Variants in BCAS3 observed in about 807,000 individuals in gnomAD.
The protein encoded by BCAS3 is BCAS3 microtubule associated cell migration factor, also known as BCAS4/BCAS3 fusion.
Under a neutral mutation model 116.1 loss-of-function variants are expected in BCAS3, and 53 were observed. The ratio of observed to expected loss-of-function variants is 0.46; its 90% CI spans 0.37 to 0.57. BCAS3 has a LOEUF of 0.57. Among genes scored for constraint, BCAS3 ranks in the 20% least tolerant of loss-of-function variants. BCAS3 has a pLI of 0.00. For synonymous variants in BCAS3, 391 were observed against 408.2 expected (o/e 0.96, Z 0.51); for missense variants, 917 against 1,165.4 (o/e 0.79, Z 3.10).
At position 61,346,124 on chromosome 17, in the gene BCAS3, T is replaced by C. The variant is rs1025915271; in HGVS notation, c.2426-22203T>C. On this transcript the variant is annotated intron_variant, in intron 22 of 23. Coordinates refer to ENST00000407086, the MANE Select transcript of BCAS3 (RefSeq NM_017679.5). The surrounding 1 kb of genome is among the most constrained non-coding windows in gnomAD (Gnocchi z 5.4). ...ACAGCGGGGTAGGTGCCATAATCCT[T>C]GTTGAAGTCGAGGAGTTGACTTAGA... Among the ~76,000 whole-genome samples the C allele has an allele frequency of 1.3e-5, 2 of 152,128 alleles. No individual in the cohort carries two copies. The highest frequency in any genetic ancestry group is 2.4e-5 in the African/African-American group (1 of 41,420).
At chr17:61,331,689 T>C (rs1222233923) in intron 22 of BCAS3, among the ~76,000 whole-genome samples, 2 of 152,242 alleles carry the variant, frequency 1.3e-5, no homozygotes, top group Non-Finnish European at 2.9e-5. Context: ...AAGGTTCAAA[T>C]AATATAATCC....
chr17:61,146,975 C>T (rs2077253902), intron 22 of BCAS3, among the ~76,000 whole-genome samples: 2 of 151,266 alleles, frequency 1.3e-5, no homozygotes, highest in African/African-American at 2.4e-5. Context: ...AGTGCAGTGG[C>T]GTGATCATGG....
intron 22 of BCAS3, among the ~76,000 whole-genome samples, chr17:61,290,971 G>A (rs768494419): frequency 1.5e-4 from 23 of 151,936 alleles, no homozygotes; most frequent in Non-Finnish European, 4.4e-5. Flanking sequence ...TAGTAGAGAC[G>A]GGGTTTCACC....
rs747440089 is a variant in BCAS3, at chr17:61,145,809, G to T, written c.2425+61245G>T. Among the ~76,000 whole-genome samples the T allele has an allele frequency of 8.6e-5, 13 of 152,022 alleles. No homozygotes were observed. The highest frequency in any genetic ancestry group is 1.4e-4 in the African/African-American group (6 of 41,382). On this transcript the variant is annotated intron_variant, in intron 22 of 23. Transcript: ENST00000407086. This position sits in a 1 kb window ranked among gnomAD's most constrained non-coding sequence, Gnocchi z 5.0. ...ATATGAAAGTCCTCTTAACAAGCGT[G>T]GACAGAGGAAGTTTTAGGTTTGATT... is the stretch of plus-strand genomic sequence containing the variant.
rs2050949557 is a variant in BCAS3 at position 61,278,328 on chromosome 17, A to C, written c.2426-89999A>C. On this transcript the variant is annotated intron_variant, in intron 22 of 23. Coordinates refer to ENST00000407086, the MANE Select transcript of BCAS3 (RefSeq NM_017679.5). The surrounding 1 kb of genome is among the most constrained non-coding windows in gnomAD (Gnocchi z 5.8). Reference sequence around the variant, plus strand: ...AGTGCTGGGATTACAGGCATGAGCCACCGTTCCCAGATAATTTTTGTGTTT... The same window carrying C: ...AGTGCTGGGATTACAGGCATGAGCCCCCGTTCCCAGATAATTTTTGTGTTT... Among the ~76,000 whole-genome samples, 1 of 152,198 alleles carries C rather than the reference A, an allele frequency of 6.6e-6. No homozygotes were observed. Among genetic ancestry groups the C allele is most frequent in the Admixed American group, 6.5e-5 (1 of 15,280 alleles).
intron 23 of BCAS3, among the ~76,000 whole-genome samples, chr17:61,373,522 T>TG (rs1464351117): frequency 1.1e-4 from 17 of 151,356 alleles, no homozygotes; most frequent in Admixed American, 1.1e-3. Context: ...CTCCACCTCA[T>TG]GGGTTCAAGC....
intron 19 of BCAS3, among the ~76,000 whole-genome samples, chr17:61,054,613 A>G (rs1024455703): frequency 5.9e-5 from 9 of 152,168 alleles, no homozygotes; most frequent in African/African-American, 1.9e-4. Context: ...GCCAGGGTCA[A>G]TCCACCCACC....
rs994638513 is a variant in BCAS3, at chr17:61,049,624, T to C, written c.2029+8732T>C. Among the ~76,000 whole-genome samples the C allele has an allele frequency of 4.6e-5, 7 of 150,618 alleles. 1 individual carries two copies. The highest frequency in any genetic ancestry group is 2.1e-4 in the South Asian group (1 of 4,780). ...TGTATTATAATCAATTTGCTCAAAA[T>C]CATTGACAAAGAGAAAAAAAAATCT... On this transcript the variant is annotated intron_variant, in intron 19 of 23. Transcript: ENST00000407086.
chr17:61,272,629 C>T (rs1460644823), intron 22 of BCAS3, among the ~76,000 whole-genome samples: 1 of 85,430 alleles, frequency 1.2e-5, no homozygotes, highest in Admixed American at 1.8e-4. Flanking sequence ...AGAGTGAAAC[C>T]CTGTCTCAAA....
intron 22 of BCAS3, among the ~76,000 whole-genome samples, chr17:61,294,431 T>C (rs2052708976): frequency 6.6e-6 from 1 of 152,204 alleles, no homozygotes. Flanking sequence ...AGCAGAGTTA[T>C]GCTAGCCACA....
At chr17:61,369,148 G>A (rs1338100656) in intron 23 of BCAS3, among the ~76,000 whole-genome samples, 1 of 152,202 alleles carries the variant, frequency 6.6e-6, no homozygotes, top group Non-Finnish European at 1.5e-5. Flanking sequence ...TCCATCTCCA[G>A]TACAGCTGTA....
rs1405083724 is a variant in BCAS3 at position 60,964,935 on chromosome 17, T to C, written c.1221+17583T>C. On this transcript the variant is annotated intron_variant, in intron 14 of 23. Transcript: ENST00000407086. This position sits in a 1 kb window ranked among gnomAD's most constrained non-coding sequence, Gnocchi z 4.6. ...TATTTATTTAGGTCTTCTCTCTTTT[T>C]TCTTAGTCTAGCTCAAGACTTGTTG... Among the ~76,000 whole-genome samples the C allele has an allele frequency of 6.6e-6, 1 of 152,142 alleles. No homozygotes were observed. The highest frequency in any genetic ancestry group is 1.5e-5 in the Non-Finnish European group (1 of 68,026).
rs564305566 is a variant in BCAS3 at position 60,914,567 on chromosome 17, T to A, written c.993+3865T>A. On this transcript the variant is annotated intron_variant, in intron 12 of 23. Transcript: ENST00000407086. ...AGAAATAAATATTTCACAGAGAAAATAAAATATGGTTGACCATTGAACAAC... is the reference window on the plus strand; with the variant it reads ...AGAAATAAATATTTCACAGAGAAAAAAAAATATGGTTGACCATTGAACAAC... Among the ~76,000 whole-genome samples the A allele has an allele frequency of 8.5e-5, 13 of 152,110 alleles. No homozygotes were observed. In the South Asian group the frequency reaches 2.7e-3, roughly 32 times the overall value.
chr17:61,109,680 C>T (rs912125066), intron 22 of BCAS3, among the ~76,000 whole-genome samples: 5 of 152,116 alleles, frequency 3.3e-5, no homozygotes, highest in Non-Finnish European at 5.9e-5. Context: ...TTTTGATTTG[C>T]GTTTCCATAG....
chr17:60,763,951 C>G (rs1402595165), intron 6 of BCAS3, among the ~76,000 whole-genome samples: 1 of 152,104 alleles, frequency 6.6e-6, no homozygotes, highest in Non-Finnish European at 1.5e-5. Context: ...AGGAATTTAT[C>G]CATTTTTTCT....
intron 14 of BCAS3, 83 bp from the exon 15 acceptor site, chr17:60,989,888 T>C: frequency 7.1e-7 from 1 of 1,412,930 alleles, no homozygotes. Context: ...ATCATTTATA[T>C]TCATATTTGG....
chr17:61,140,715 AT>A lies in BCAS3; in HGVS notation c.2425+56157del, dbSNP rs1266632356. ...GTCAATTAAAAGCTAATTGTTTGTG[AT>A]TTTTTAAGTTAATAAATATATATTT... On this transcript the variant is annotated intron_variant, in intron 22 of 23. Transcript: ENST00000407086. The surrounding 1 kb of genome is among the most constrained non-coding windows in gnomAD (Gnocchi z 4.2). 6.6e-6 allele frequency among the ~76,000 whole-genome samples: 1 copy of A among 152,024 alleles called. No individual in the cohort carries two copies. Among genetic ancestry groups the A allele is most frequent in the South Asian group, 2.1e-4 (1 of 4,822 alleles).
chr17:60,917,900 G>A (rs80330156), intron 12 of BCAS3, among the ~76,000 whole-genome samples: 1,796 of 152,134 alleles, frequency 0.012, 36 homozygotes, highest in African/African-American at 0.039. Context: ...GCCACCTTTC[G>A]CCAATTTTGA....
In BCAS3 at chr17:61,364,411, G is replaced by T. The variant is rs913705771; in HGVS notation, c.2426-3916G>T. On this transcript the variant is annotated intron_variant, in intron 22 of 23. Transcript: ENST00000407086. This position sits in a 1 kb window ranked among gnomAD's most constrained non-coding sequence, Gnocchi z 5.4. ...TCAAAATGGTAGGAAAGATAGAAGT[G>T]GTTTACACATATTGTGGTTCTTGGC... Among the ~76,000 whole-genome samples, 1 of 152,174 alleles carries T rather than the reference G, an allele frequency of 6.6e-6. No individual in the cohort carries two copies. Among genetic ancestry groups the T allele is most frequent in the South Asian group, 2.1e-4 (1 of 4,826 alleles).
Sources: allele counts gnomAD v4.1 joint callset (sites outside exome capture counted in the v4.1 genomes callset), GRCh38; gene constraint gnomAD v4.1.1; non-coding constraint Gnocchi (gnomAD v3.1); transcripts MANE v1.5; gene names NCBI Gene and HGNC (gene_info 2026-07-23, HGNC 2026-07-21).